The following CSTF3 variants were observed in gnomAD, a reference collection of about 807,000 sequenced individuals.
CSTF3 encodes the protein CF-1 77 kDa subunit.
In CSTF3, 29 loss-of-function variants were observed where a neutral mutation model predicts 105.8. That is an observed-to-expected ratio of 0.27 (90% CI 0.20 to 0.37). The LOEUF is 0.37. CSTF3 is among the 10% of genes least tolerant of loss of function. The pLI, the probability that CSTF3 is intolerant of heterozygous loss-of-function variation, is 1.00. For missense variants in CSTF3, 357 were observed against 879.3 expected (o/e 0.41, Z 7.51); for synonymous variants, 252 against 281.9 (o/e 0.89, Z 1.06).
intron 3 of CSTF3, among the ~76,000 whole-genome samples, chr11:33,117,499 C>A (rs958856760): frequency 1.3e-5 from 2 of 151,856 alleles, no homozygotes; most frequent in Admixed American, 1.3e-4. Flanking sequence ...AAGCACTACT[C>A]CAAGATTTTA....
At chr11:33,152,623 T>C (rs1849802621) in intron 1 of CSTF3, among the ~76,000 whole-genome samples, 1 of 152,212 alleles carries the variant, frequency 6.6e-6, no homozygotes. Context: ...CTATTCCAAC[T>C]ATTCTCAAAC....
chr11:33,105,788 CTA>C, intron 7 of CSTF3, 93 bp downstream of exon 7: 1 of 1,522,714 alleles, frequency 6.6e-7, no homozygotes, highest in Non-Finnish European at 9.0e-7. Flanking sequence ...AAGAACAACT[CTA>C]TGGAAAATAG....
intron 3 of CSTF3, among the ~76,000 whole-genome samples, chr11:33,140,162 C>T (rs1855695367): frequency 6.6e-6 from 1 of 151,922 alleles, no homozygotes; most frequent in Non-Finnish European, 1.5e-5. Context: ...TTTCTAAAGC[C>T]AGACTAGAAT....
In CSTF3 at chr11:33,141,795, A is replaced by G. The variant is rs999479653; in HGVS notation, c.130-33T>C. On this transcript the variant is annotated intron_variant, in intron 2 of 20. Transcript: ENST00000323959. Reference sequence around the variant, plus strand: ...TGAAAACCAATAAACAGCATTTACAATGTTAGGATTATGAAAATATTATTC... The same window carrying G: ...TGAAAACCAATAAACAGCATTTACAGTGTTAGGATTATGAAAATATTATTC... The G allele has an allele frequency of 3.2e-6, 5 of 1,579,296 alleles. No homozygotes were observed. The African/African-American group carries it at 5.5e-5, about 17-fold the overall frequency.
At chr11:33,092,479 A>G in intron 15 of CSTF3, 139 bp from the exon 16 acceptor site, 1 of 533,330 alleles carries the variant, frequency 1.9e-6, no homozygotes, top group Non-Finnish European at 3.2e-6. Context: ...ATTTTTATAG[A>G]TGAGGAAACT....
chr11:33,095,136 G>A (rs979681573), intron 15 of CSTF3, among the ~76,000 whole-genome samples: 6 of 152,188 alleles, frequency 3.9e-5, no homozygotes, highest in Non-Finnish European at 8.8e-5. Context: ...CTGGCCTTGG[G>A]TGATCTGCCT....
intron 3 of CSTF3, among the ~76,000 whole-genome samples, chr11:33,140,739 G>A (rs1156557474): frequency 2.4e-4 from 37 of 152,000 alleles, no homozygotes. Context: ...ACTTGATTAT[G>A]CTGAAAATCT....
chr11:33,085,358 G>C (rs1292460999), intron 20 of CSTF3, 69 bp from the exon 21 acceptor site: 1 of 803,496 alleles, frequency 1.2e-6, no homozygotes, highest in Non-Finnish European at 1.8e-6. Context: ...TTCAACTGTG[G>C]ATACTTTATT....
intron 1 of CSTF3, chr11:33,144,935 C>T: frequency 5.0e-6 from 1 of 198,734 alleles, no homozygotes; most frequent in Non-Finnish European, 1.1e-5. Context: ...GAGATTGCCG[C>T]CACTGCACTC....
intron 3 of CSTF3, 39 bp downstream of exon 3, chr11:33,141,628 G>T: frequency 1.3e-6 from 2 of 1,580,848 alleles, no homozygotes; most frequent in Non-Finnish European, 1.7e-6. Flanking sequence ...AGTGAATGCT[G>T]CAATACTGAT....
intron 3 of CSTF3, among the ~76,000 whole-genome samples, chr11:33,136,788 T>A (rs1419798107): frequency 6.6e-6 from 1 of 151,922 alleles, no homozygotes; most frequent in East Asian, 1.9e-4. Context: ...GTATCTTTAA[T>A]ACCTTTTGGG....
chr11:33,144,586 A>G (rs1353180466), intron 1 of CSTF3, among the ~76,000 whole-genome samples: 1 of 152,266 alleles, frequency 6.6e-6, no homozygotes, highest in Non-Finnish European at 1.5e-5. Flanking sequence ...TTTTATCAAA[A>G]TAAAGTTGAA....
chr11:33,086,026 G>A (rs1472331691), intron 18 of CSTF3, 37 bp from the exon 19 acceptor site: 2 of 1,313,934 alleles, frequency 1.5e-6, no homozygotes, highest in Non-Finnish European at 2.0e-6. Flanking sequence ...AAGTGGAATG[G>A]AAGAATTTCT....
chr11:33,151,223 C>T (rs1164285866), intron 1 of CSTF3, among the ~76,000 whole-genome samples: 1 of 150,660 alleles, frequency 6.6e-6, no homozygotes, highest in African/African-American at 2.4e-5. Context: ...CAGGATCTCA[C>T]TCTGTCACCC....
At position 33,096,403 on chromosome 11, in the gene CSTF3, T is replaced by C; in HGVS notation, c.1278A>G (p.Lys426=). ...GCTCAAAAATCTTAAAGGCAACAGA[T>C]TTGTCCTACAAGTAAAGAAAGTAAA... The part of the protein sequence containing the change: ...ALMEYYCSKD[K]SVAFKIFELG... The change falls in exon 15 of 21, where the codon AAA becomes AAG. Residue 426 remains lysine, a synonymous_variant. Coordinates refer to ENST00000323959, the MANE Select transcript of CSTF3 (RefSeq NM_001326.3). 1.3e-6 allele frequency: 2 copies of C among 1,587,676 alleles called. No individual in the cohort carries two copies. Among genetic ancestry groups the C allele is most frequent in the Non-Finnish European group, 1.7e-6 (2 of 1,169,310 alleles).
chr11:33,098,873 T>C lies in CSTF3; in HGVS notation c.1054-109A>G, dbSNP rs891703088. 31 of 1,281,094 alleles carry C rather than the reference T, an allele frequency of 2.4e-5. No individual in the cohort carries two copies. In the Admixed American group the frequency reaches 4.8e-4, roughly 20 times the overall value. The allele number at this position is 1,281,094 out of a possible 1,614,324, so 79.4% of individuals were successfully genotyped here. A position where few individuals can be genotyped will look rare whatever the true frequency, so the allele number is the denominator to read the frequency against. ...CCTCCCACCCCCAATGGCATCTCCA[T>C]TGAGCATAAATATAGTATAAGCTGA... On this transcript the variant is annotated intron_variant, in intron 12 of 20. Coordinates refer to ENST00000323959, the MANE Select transcript of CSTF3 (RefSeq NM_001326.3).
In CSTF3 at chr11:33,090,576, A is replaced by C; in HGVS notation, c.1597T>G (p.Leu533Val). The change falls in exon 17 of 21, where the codon TTA (leucine) becomes GTA (valine). Residue 533 changes from leucine to valine, a missense_variant. Transcript: ENST00000323959. ...AATTCACTTGCAGAGCAAGGATATA[A>C]ATCCATGAACTTGTATCTATCTACT... The part of the protein sequence containing the change: ...LLVDRYKFMD[L>V]YPCSASELKA... The C allele has an allele frequency of 6.2e-7, 1 of 1,607,352 alleles. No homozygotes were observed. The highest frequency in any genetic ancestry group is 8.5e-7 in the Non-Finnish European group (1 of 1,178,100).
chr11:33,136,256 T>C (rs1298919616), intron 3 of CSTF3: 1 of 152,236 alleles, frequency 6.6e-6, no homozygotes, highest in East Asian at 1.9e-4. Flanking sequence ...CTTCAACCTA[T>C]TATGCCATTA....
chr11:33,142,927 G>C (rs1855731851), intron 1 of CSTF3, among the ~76,000 whole-genome samples: 1 of 152,088 alleles, frequency 6.6e-6, no homozygotes, highest in Non-Finnish European at 1.5e-5. Flanking sequence ...GATTAGGAGT[G>C]AAAAAGGGCA....
Sources: allele counts gnomAD v4.1 joint callset (sites outside exome capture counted in the v4.1 genomes callset), GRCh38; gene constraint gnomAD v4.1.1; transcripts MANE v1.5; gene names NCBI Gene and HGNC (gene_info 2026-07-23, HGNC 2026-07-21).